The following SCFD2 variants were observed in gnomAD, a reference collection of about 807,000 sequenced individuals.
SCFD2 encodes the protein sec1 family domain-containing protein 2.
In SCFD2, 54 loss-of-function variants were observed where a neutral mutation model predicts 58.9. The observed-to-expected ratio is 0.92, with a 90% CI of 0.74 to 1.15. The LOEUF (loss-of-function observed/expected upper bound fraction) is 1.15, where lower values mean the gene tolerates loss of function less well. SCFD2 is among the 50% of genes most tolerant of loss of function. The pLI is 0.00. For missense variants in SCFD2, 805 were observed against 836.6 expected, an observed-to-expected ratio of 0.96 and a Z score of 0.47; for synonymous variants, 321 against 335.9, an observed-to-expected ratio of 0.96 and a Z score of 0.49.
chr4:53,183,272 A>G (rs1727633457), intron 4 of SCFD2, among the ~76,000 whole-genome samples: 1 of 152,186 alleles, frequency 6.6e-6, no homozygotes, highest in Non-Finnish European at 1.5e-5. Context: ...ACAACAATAG[A>G]CCGGATTATG....
chr4:53,199,371 C>T lies in SCFD2; in HGVS notation c.1312-53789G>A, dbSNP rs1728156984. Among the ~76,000 whole-genome samples, 8 of 152,058 alleles carry T rather than the reference C, an allele frequency of 5.3e-5. No individual in the cohort carries two copies. The South Asian group carries it at 1.7e-3, about 31-fold the overall frequency. On this transcript the variant is annotated intron_variant, in intron 4 of 8. Coordinates refer to ENST00000401642, the MANE Select transcript of SCFD2 (RefSeq NM_152540.4). ...TGAGAGGGGAGATGATTACAAACAACAGAGTATGAACTTTGGGTTGTGTAG... is the reference window on the plus strand; with the variant it reads ...TGAGAGGGGAGATGATTACAAACAATAGAGTATGAACTTTGGGTTGTGTAG...
At chr4:53,032,601 C>T (rs1411704141) in intron 5 of SCFD2, among the ~76,000 whole-genome samples, 1 of 152,000 alleles carries the variant, frequency 6.6e-6, no homozygotes, top group East Asian at 1.9e-4. Context: ...GGAATATTTA[C>T]CAAGCAAATG....
chr4:53,094,340 G>A (rs144899162), intron 5 of SCFD2, among the ~76,000 whole-genome samples: 1 of 152,192 alleles, frequency 6.6e-6, no homozygotes, highest in African/African-American at 2.4e-5. Flanking sequence ...CAAGATCAAG[G>A]TATCAACAGG....
rs112510722 is a variant in SCFD2 at position 52,892,722 on chromosome 4, A to G, written c.1843-6856T>C. Among the ~76,000 whole-genome samples, 1,449 of 152,204 alleles carry G rather than the reference A, an allele frequency of 9.5e-3. 26 individuals carry two copies. Among genetic ancestry groups the G allele is most frequent in the African/African-American group, 0.033 (1,377 of 41,530 alleles). On this transcript the variant is annotated intron_variant, in intron 7 of 8. Coordinates refer to ENST00000401642, the MANE Select transcript of SCFD2 (RefSeq NM_152540.4). ...ACACCACTTATCTCTCCTCTCTGCA[A>G]TCCTCAATTTTCTTATCCATCTCCT...
chr4:52,897,223 C>T, intron 7 of SCFD2, among the ~76,000 whole-genome samples: 1 of 152,046 alleles, frequency 6.6e-6, no homozygotes, highest in Admixed American at 6.6e-5. Context: ...GAGGGCATCC[C>T]TGTCTTGTGC....
chr4:52,953,990 T>A (rs573097922), intron 5 of SCFD2, among the ~76,000 whole-genome samples: 1 of 152,284 alleles, frequency 6.6e-6, no homozygotes, highest in Non-Finnish European at 1.5e-5. Context: ...GCTATGTAAC[T>A]GTGGGTGAGC....
At chr4:53,194,837 C>T (rs1332105409) in intron 4 of SCFD2, among the ~76,000 whole-genome samples, 21 of 152,176 alleles carry the variant, frequency 1.4e-4, no homozygotes, top group Non-Finnish European at 1.6e-4. Flanking sequence ...GAGCGACACT[C>T]TGTCTCAAAA....
At position 52,982,315 on chromosome 4, in the gene SCFD2, G is replaced by A. The variant is rs145546794; in HGVS notation, c.1562-61445C>T. Reference sequence around the variant, plus strand: ...CAGAATTGTGATGTAGTTTGTACACGGGCTAGTTTGACTGCATAATGAATG... The same window carrying A: ...CAGAATTGTGATGTAGTTTGTACACAGGCTAGTTTGACTGCATAATGAATG... On this transcript the variant is annotated intron_variant, in intron 5 of 8. Coordinates refer to ENST00000401642, the MANE Select transcript of SCFD2 (RefSeq NM_152540.4). 9.9e-5 allele frequency among the ~76,000 whole-genome samples: 15 copies of A among 152,258 alleles called. No individual in the cohort carries two copies. The East Asian group carries it at 1.9e-3, about 20-fold the overall frequency.
At chr4:53,012,376 T>TCTCACA (rs1553914311) in intron 5 of SCFD2, among the ~76,000 whole-genome samples, 19 of 148,002 alleles carry the variant, frequency 1.3e-4, no homozygotes, top group African/African-American at 3.2e-4. Flanking sequence ...TCTCTCTCTC[T>TCTCACA]CACACACACA....
At chr4:52,915,602 T>G (rs752611047) in intron 6 of SCFD2, among the ~76,000 whole-genome samples, 1 of 152,178 alleles carries the variant, frequency 6.6e-6, no homozygotes, top group Non-Finnish European at 1.5e-5. Flanking sequence ...CATCCATCCA[T>G]CCACCCACCC....
intron 4 of SCFD2, among the ~76,000 whole-genome samples, chr4:53,181,700 A>G (rs977406429): frequency 3.3e-5 from 5 of 152,198 alleles, no homozygotes; most frequent in African/African-American, 9.7e-5. Flanking sequence ...CAATTAGGAA[A>G]AGAGGAAGTC....
chr4:53,296,047 T>C (rs1732018101), intron 3 of SCFD2, among the ~76,000 whole-genome samples: 1 of 152,260 alleles, frequency 6.6e-6, no homozygotes, highest in Non-Finnish European at 1.5e-5. Context: ...CCCAGTATTT[T>C]ATTGACGATT....
In SCFD2 at chr4:53,260,461, C is replaced by T. The variant is rs906282521; in HGVS notation, c.1311+13365G>A. On this transcript the variant is annotated intron_variant, in intron 4 of 8. Coordinates refer to ENST00000401642, the MANE Select transcript of SCFD2 (RefSeq NM_152540.4). ...AAGGGATGCTGGATTTTGTCCATTG[C>T]TTTTTCTGCATCTACTGAGATGATC... is the stretch of plus-strand genomic sequence containing the variant. Among the ~76,000 whole-genome samples, 19 of 152,232 alleles carry T rather than the reference C, an allele frequency of 1.2e-4. No homozygotes were observed. In the East Asian group the frequency reaches 3.7e-3, roughly 29 times the overall value.
chr4:53,244,290 A>C (rs1036500825), intron 4 of SCFD2, among the ~76,000 whole-genome samples: 2 of 152,086 alleles, frequency 1.3e-5, no homozygotes, highest in African/African-American at 4.8e-5. Flanking sequence ...TATACATTCT[A>C]CTCATCACCA....
intron 4 of SCFD2, among the ~76,000 whole-genome samples, chr4:53,239,768 GC>G (rs1312170709): frequency 6.6e-6 from 1 of 152,134 alleles, no homozygotes; most frequent in Non-Finnish European, 1.5e-5. Flanking sequence ...GAGGCACCAT[GC>G]CCGGCCTTTG....
At chr4:53,232,005 A>C (rs1729455019) in intron 4 of SCFD2, among the ~76,000 whole-genome samples, 1 of 152,124 alleles carries the variant, frequency 6.6e-6, no homozygotes, top group East Asian at 1.9e-4. Flanking sequence ...ACAAAACAAA[A>C]ACTAGTGGGT....
At chr4:53,301,204 A>G in intron 3 of SCFD2, among the ~76,000 whole-genome samples, 1 of 152,150 alleles carries the variant, frequency 6.6e-6, no homozygotes, top group East Asian at 1.9e-4. Flanking sequence ...GACCGCTAGC[A>G]AGACTAATAA....
At chr4:52,945,914 A>C in intron 5 of SCFD2, among the ~76,000 whole-genome samples, 1 of 152,172 alleles carries the variant, frequency 6.6e-6, no homozygotes, top group Non-Finnish European at 1.5e-5. Context: ...TATACATCGA[A>C]CATTTTGGGG....
chr4:53,010,106 A>C (rs1722062916), intron 5 of SCFD2, among the ~76,000 whole-genome samples: 1 of 152,122 alleles, frequency 6.6e-6, no homozygotes. Flanking sequence ...CTCCCACATG[A>C]TAACTGAGTC....
Sources: gnomAD v4.1 joint callset for allele counts (sites outside exome capture counted in the v4.1 genomes callset) on GRCh38, gnomAD v4.1.1 for gene constraint, MANE v1.5 for transcripts, NCBI Gene and HGNC (gene_info 2026-07-23, HGNC 2026-07-21) for gene names.